The following MAP3K2 variants were observed in gnomAD, a reference collection of about 807,000 sequenced individuals.
MAP3K2 encodes the protein mitogen-activated protein kinase kinase kinase 2.
Under a neutral mutation model 80.3 loss-of-function variants are expected in MAP3K2, and 24 were observed. That is an observed-to-expected ratio of 0.30 (90% CI 0.22 to 0.42). The LOEUF is 0.42. MAP3K2 is among the 10% of genes least tolerant of loss of function. The pLI, the probability that MAP3K2 is intolerant of heterozygous loss-of-function variation, is 1.00. For missense variants in MAP3K2, 608 were observed against 750.1 expected, an observed-to-expected ratio of 0.81 and a Z score of 2.21; for synonymous variants, 244 against 253.7, an observed-to-expected ratio of 0.96 and a Z score of 0.36.
At chr2:127,359,578 A>G (rs1426765457) in intron 1 of MAP3K2, among the ~76,000 whole-genome samples, 1 of 152,220 alleles carries the variant, frequency 6.6e-6, no homozygotes, top group Non-Finnish European at 1.5e-5. Context: ...ACCTACTGAC[A>G]TGGTTTAAAT....
chr2:127,334,039 G>A (rs970239206), intron 5 of MAP3K2, among the ~76,000 whole-genome samples: 20 of 152,176 alleles, frequency 1.3e-4, no homozygotes, highest in Non-Finnish European at 2.9e-4. Flanking sequence ...GGCAAAGGTT[G>A]CAGTGAGGTG....
At chr2:127,314,525 C>T (rs1685864162) in intron 15 of MAP3K2, among the ~76,000 whole-genome samples, 1 of 152,188 alleles carries the variant, frequency 6.6e-6, no homozygotes, top group South Asian at 2.1e-4. Context: ...CTTGTATGGT[C>T]TCTTAAACTT....
intron 7 of MAP3K2, among the ~76,000 whole-genome samples, chr2:127,329,438 C>G (rs1686207594): frequency 6.6e-6 from 1 of 150,708 alleles, no homozygotes; most frequent in South Asian, 2.1e-4. Flanking sequence ...CTCACTGCAA[C>G]CTCCGCCTCC....
At position 127,301,905 on chromosome 2, in the gene MAP3K2, T is replaced by C. The variant is rs1685598882; in HGVS notation, c.*5674A>G. The stretch of plus-strand genomic sequence containing the variant: ...GCTCTGGAAGGTGAGTATGGGAAGA[T>C]GGGAGGCCCTGATACTTCCCACACC... On this transcript the variant is annotated 3_prime_UTR_variant, in exon 17 of 17. Transcript: ENST00000682094. The C allele has an allele frequency of 6.6e-6, 1 of 152,094 alleles. No individual in the cohort carries two copies. Among genetic ancestry groups the C allele is most frequent in the East Asian group, 1.9e-4 (1 of 5,184 alleles). The allele number at this position is 152,094 out of a possible 1,614,324, so 9.4% of individuals were successfully genotyped here.
chr2:127,369,798 G>C (rs527806528), intron 1 of MAP3K2, among the ~76,000 whole-genome samples: 1 of 152,224 alleles, frequency 6.6e-6, no homozygotes, highest in South Asian at 2.1e-4. Flanking sequence ...AATGTTTCTA[G>C]GTAAAAGCTT....
chr2:127,361,148 C>A (rs1211201483), intron 1 of MAP3K2, among the ~76,000 whole-genome samples: 1 of 151,740 alleles, frequency 6.6e-6, no homozygotes, highest in Non-Finnish European at 1.5e-5. Flanking sequence ...CCCGTCTCTA[C>A]TAAAAATACA....
rs2104791461 is a variant in MAP3K2, at chr2:127,298,801, A to C, written c.*8778T>G. The C allele has an allele frequency of 6.6e-6, 1 of 152,362 alleles. No individual in the cohort carries two copies. Among genetic ancestry groups the C allele is most frequent in the African/African-American group, 2.4e-5 (1 of 41,578 alleles). The allele number at this position is 152,362 out of a possible 1,614,324, so 9.4% of individuals were successfully genotyped here. A position where few individuals can be genotyped will look rare whatever the true frequency, so the allele number is the denominator to read the frequency against. ...CTTTCAAAAAAATGAACATGTAAGA[A>C]AAAGCAGTTTTCATTGTGCTAATTA... On this transcript the variant is annotated 3_prime_UTR_variant, in exon 17 of 17. Coordinates refer to ENST00000682094, the MANE Select transcript of MAP3K2 (RefSeq NM_001371910.2).
At position 127,307,528 on chromosome 2, in the gene MAP3K2, G is replaced by A. The variant is rs759120589; in HGVS notation, c.*51C>T. On this transcript the variant is annotated 3_prime_UTR_variant, in exon 17 of 17. Coordinates refer to ENST00000682094, the MANE Select transcript of MAP3K2 (RefSeq NM_001371910.2). This position sits in a 1 kb window ranked among gnomAD's most constrained non-coding sequence, Gnocchi z 5.4. ...AAAGAAAAGTGCAGTCAGAGAGAAG[G>A]TGAATGAATAGATGGGAGCTAGGTA... is the stretch of plus-strand genomic sequence containing the variant. 6 of 1,205,130 alleles carry A rather than the reference G, an allele frequency of 5.0e-6. No individual in the cohort carries two copies. The highest frequency in any genetic ancestry group is 7.0e-6 in the Non-Finnish European group (6 of 855,400). 74.7% of individuals were successfully genotyped at this position (1,205,130 alleles called of 1,614,324 possible).
intron 1 of MAP3K2, among the ~76,000 whole-genome samples, chr2:127,355,927 T>C (rs1196863758): frequency 1.3e-5 from 2 of 152,180 alleles, no homozygotes; most frequent in African/African-American, 2.4e-5. Flanking sequence ...ATTTCAACAA[T>C]GTTCGCAGCA....
chr2:127,302,287 A>G lies in MAP3K2; in HGVS notation c.*5292T>C, dbSNP rs1047210300. The G allele has an allele frequency of 1.3e-5, 2 of 152,178 alleles. No homozygotes were observed. The highest frequency in any genetic ancestry group is 4.8e-5 in the African/African-American group (2 of 41,448). 9.4% of individuals were successfully genotyped at this position (152,178 alleles called of 1,614,324 possible). A position where few individuals can be genotyped will look rare whatever the true frequency, so the allele number is the denominator to read the frequency against. On this transcript the variant is annotated 3_prime_UTR_variant, in exon 17 of 17. Transcript: ENST00000682094. ...ATCATTTGTACTAGCTACTTCTGGA[A>G]AATGTACTGGTGTTCCTACCCAAGG...
chr2:127,311,387 C>T (rs1685805660), intron 15 of MAP3K2, among the ~76,000 whole-genome samples: 1 of 152,178 alleles, frequency 6.6e-6, no homozygotes, highest in Admixed American at 6.5e-5. Context: ...CAAGGCAGGT[C>T]ACAGACAGGG....
rs10558890 is a variant in MAP3K2 at position 127,365,116 on chromosome 2, C to CAAAAAAAAAAAAAAAA, written c.-65-21938_-65-21923dup. Among the ~76,000 whole-genome samples the CAAAAAAAAAAAAAAAA allele has an allele frequency of 5.7e-4, 18 of 31,656 alleles. 2 individuals are homozygous for CAAAAAAAAAAAAAAAA. The highest frequency in any genetic ancestry group is 8.7e-4 in the Non-Finnish European group (15 of 17,146). The allele number at this position is 31,656 out of a possible 152,430, so 20.8% of individuals were successfully genotyped here. A position where few individuals can be genotyped will look rare whatever the true frequency, so the allele number is the denominator to read the frequency against. On this transcript the variant is annotated intron_variant, in intron 1 of 16. Coordinates refer to ENST00000682094, the MANE Select transcript of MAP3K2 (RefSeq NM_001371910.2). ...TGGGCGACAGAGTGAGACTCTGCCT[C>CAAAAAAAAAAAAAAAA]AAAAAAAAAAAAAAAAAAAAAAAAA... is the stretch of plus-strand genomic sequence containing the variant.
rs1003734529 is a variant in MAP3K2, at chr2:127,307,365, T to C, written c.*214A>G. 3 of 323,030 alleles carry C rather than the reference T, an allele frequency of 9.3e-6. No homozygotes were observed. The highest frequency in any genetic ancestry group is 1.7e-5 in the Non-Finnish European group (3 of 180,210). 20.0% of individuals were successfully genotyped at this position (323,030 alleles called of 1,614,324 possible). A position where few individuals can be genotyped will look rare whatever the true frequency, so the allele number is the denominator to read the frequency against. On this transcript the variant is annotated 3_prime_UTR_variant, in exon 17 of 17. Coordinates refer to ENST00000682094, the MANE Select transcript of MAP3K2 (RefSeq NM_001371910.2). The surrounding 1 kb of genome is among the most constrained non-coding windows in gnomAD (Gnocchi z 5.4). ...CATTATAAAAATTAAAAAAAAAAAC[T>C]TCAAGTTCTTGTAAGGGAAAAAAAG...
At chr2:127,386,280 C>T (rs1038974181) in intron 1 of MAP3K2, among the ~76,000 whole-genome samples, 1 of 152,104 alleles carries the variant, frequency 6.6e-6, no homozygotes, top group African/African-American at 2.4e-5. Flanking sequence ...TTAAAAAATA[C>T]AAAACTCATG....
intron 14 of MAP3K2, among the ~76,000 whole-genome samples, 184 bp downstream of exon 14, chr2:127,317,445 A>G (rs1242274302): frequency 6.6e-6 from 1 of 152,214 alleles, no homozygotes; most frequent in African/African-American, 2.4e-5. Context: ...TTTTATCATT[A>G]ATGAGTTAAA....
chr2:127,320,951 C>T (rs1009029516), intron 12 of MAP3K2, among the ~76,000 whole-genome samples: 5 of 152,100 alleles, frequency 3.3e-5, no homozygotes, highest in Admixed American at 3.3e-4. Flanking sequence ...AAAACCCACT[C>T]TCTACAAAAA....
chr2:127,352,391 C>T (rs944690174), intron 1 of MAP3K2, among the ~76,000 whole-genome samples: 1 of 152,174 alleles, frequency 6.6e-6, no homozygotes, highest in Non-Finnish European at 1.5e-5. Flanking sequence ...CCATTCTTCA[C>T]CCCACTTCCC....
At chr2:127,333,811 A>T (rs1195319530) in intron 5 of MAP3K2, among the ~76,000 whole-genome samples, 1 of 151,250 alleles carries the variant, frequency 6.6e-6, no homozygotes, top group Admixed American at 6.6e-5. Context: ...TTAAAAATAC[A>T]GATCAGGCCA....
At position 127,322,156 on chromosome 2, in the gene MAP3K2, CTA is replaced by C; in HGVS notation, c.933_934del (p.Ser311ArgfsTer11). 1 of 1,613,850 alleles carries C rather than the reference CTA, an allele frequency of 6.2e-7. No individual in the cohort carries two copies. The highest frequency in any genetic ancestry group is 8.5e-7 in the Non-Finnish European group (1 of 1,179,792). On this transcript the variant is annotated frameshift_variant, in exon 12 of 17. Transcript: ENST00000682094. LOFTEE classifies it high-confidence loss of function. The surrounding 1 kb of genome is among the most constrained non-coding windows in gnomAD (Gnocchi z 4.2). ...CTCTGGGGTAAAGATACTGCTTCCACTACTAGTGCTTAAGGAATGATCAGTAG... is the reference window on the plus strand; with the variant it reads ...CTCTGGGGTAAAGATACTGCTTCCACCTAGTGCTTAAGGAATGATCAGTAG...
Sources: allele counts gnomAD v4.1 joint callset (sites outside exome capture counted in the v4.1 genomes callset), GRCh38; gene constraint gnomAD v4.1.1; non-coding constraint Gnocchi (gnomAD v3.1); transcripts MANE v1.5; gene names NCBI Gene and HGNC (gene_info 2026-07-23, HGNC 2026-07-21).